The following NCKAP5 variants were observed in gnomAD, a reference collection of about 807,000 sequenced individuals.
The protein encoded by NCKAP5 is NCK associated protein 5, also known as nck-associated protein 5.
In NCKAP5, 92 loss-of-function variants were observed where a neutral mutation model predicts 167.0. The observed-to-expected ratio is 0.55, with a 90% CI of 0.47 to 0.66. The LOEUF is 0.66. NCKAP5 is among the 30% of genes least tolerant of loss of function. The pLI is 0.00. For missense variants in NCKAP5, 2,378 were observed against 2,315.0 expected, an observed-to-expected ratio of 1.03 and a Z score of -0.56; for synonymous variants, 891 against 877.4, an observed-to-expected ratio of 1.02 and a Z score of -0.27.
intron 6 of NCKAP5, among the ~76,000 whole-genome samples, chr2:133,076,695 G>C (rs1251091): frequency 0.99 from 151,357 of 152,316 alleles, 75,206 homozygotes; most frequent in East Asian, 1. Flanking sequence ...GTGTCTCAGG[G>C]TTACACTATT....
chr2:132,883,569 T>G (rs1323162963), intron 8 of NCKAP5, among the ~76,000 whole-genome samples: 1 of 152,176 alleles, frequency 6.6e-6, no homozygotes, highest in Admixed American at 6.5e-5. Flanking sequence ...GCTGCCTCTC[T>G]GAGACAGCCA....
chr2:133,491,280 G>A (rs2151351136), intron 3 of NCKAP5, among the ~76,000 whole-genome samples: 3 of 152,304 alleles, frequency 2.0e-5, no homozygotes, highest in Middle Eastern at 6.8e-3. Flanking sequence ...GTAATGTCCG[G>A]GAATGACCAT....
the NCKAP5 span, among the ~76,000 whole-genome samples, chr2:133,573,708 T>C: frequency 0.021 from 3,272 of 152,296 alleles, 117 homozygotes; most frequent in African/African-American, 0.074. Context: ...CAGTACATAC[T>C]GTGAGATTGA....
chr2:133,585,612 A>G, the NCKAP5 span, among the ~76,000 whole-genome samples: 1 of 152,278 alleles, frequency 6.6e-6, no homozygotes, highest in African/African-American at 2.4e-5. Flanking sequence ...AAATATTTCA[A>G]GAAGTTAATG....
At chr2:133,352,684 T>C (rs1266609829) in intron 3 of NCKAP5, among the ~76,000 whole-genome samples, 3 of 152,150 alleles carry the variant, frequency 2.0e-5, no homozygotes, top group Non-Finnish European at 4.4e-5. Context: ...CAAGAGAGCA[T>C]GTGTTCACAT....
chr2:132,721,801 C>T (rs572279107), intron 19 of NCKAP5, among the ~76,000 whole-genome samples: 18 of 152,174 alleles, frequency 1.2e-4, no homozygotes, highest in South Asian at 2.1e-4. Context: ...TCAGGGTGTG[C>T]GAGGACAGAT....
At chr2:133,220,303 AT>A (rs1303869752) in intron 4 of NCKAP5, among the ~76,000 whole-genome samples, 4 of 147,258 alleles carry the variant, frequency 2.7e-5, no homozygotes, top group Non-Finnish European at 4.6e-5. Context: ...GTGGATTCTT[AT>A]TTACTGAACA....
At chr2:132,870,472 A>G (rs2148767722) in intron 9 of NCKAP5, among the ~76,000 whole-genome samples, 1 of 152,190 alleles carries the variant, frequency 6.6e-6, no homozygotes, top group Middle Eastern at 3.4e-3. Context: ...TTCTTCCTTC[A>G]TTTATCCAAT....
intron 12 of NCKAP5, 120 bp downstream of exon 12, chr2:132,796,508 T>C: frequency 1.7e-6 from 1 of 578,578 alleles, no homozygotes. Context: ...GAAAGGAAGG[T>C]ATTTTTATCT....
intron 9 of NCKAP5, among the ~76,000 whole-genome samples, chr2:132,878,382 A>G (rs1691455826): frequency 1.3e-5 from 2 of 152,038 alleles, no homozygotes. Context: ...CTGGTTGCCA[A>G]CTGTGAACAT....
At chr2:133,596,139 AG>A in the NCKAP5 span, 1 of 157,782 alleles carries the variant, frequency 6.3e-6, no homozygotes, top group African/African-American at 2.4e-5. Flanking sequence ...ATTGATCGCC[AG>A]GGTTGATTTG....
chr2:133,522,947 C>T (rs1021136869), intron 2 of NCKAP5, among the ~76,000 whole-genome samples: 40 of 152,148 alleles, frequency 2.6e-4, no homozygotes, highest in African/African-American at 8.7e-4. Flanking sequence ...GGGAAGAAAA[C>T]GGTCATGGAG....
At chr2:133,323,042 C>A (rs1217647232) in intron 3 of NCKAP5, among the ~76,000 whole-genome samples, 1 of 152,154 alleles carries the variant, frequency 6.6e-6, no homozygotes, top group East Asian at 1.9e-4. Context: ...ACTTCTAGAC[C>A]AGCTGCAAGT....
chr2:133,177,538 C>G (rs933219599), intron 5 of NCKAP5, among the ~76,000 whole-genome samples: 8 of 152,084 alleles, frequency 5.3e-5, no homozygotes, highest in African/African-American at 1.7e-4. Context: ...GTTAAATAAC[C>G]CTTATCCCAT....
At chr2:133,192,562 A>C in intron 5 of NCKAP5, among the ~76,000 whole-genome samples, 1 of 152,108 alleles carries the variant, frequency 6.6e-6, no homozygotes, top group East Asian at 1.9e-4. Context: ...AAAGAAAAAA[A>C]AATACAATTC....
intron 4 of NCKAP5, among the ~76,000 whole-genome samples, chr2:133,259,100 C>G (rs1425730428): frequency 6.6e-6 from 1 of 152,146 alleles, no homozygotes; most frequent in Non-Finnish European, 1.5e-5. Flanking sequence ...TGCCTGAGCT[C>G]AAGCCCTCTG....
chr2:133,487,095 G>A (rs1290947810), intron 3 of NCKAP5, among the ~76,000 whole-genome samples: 1 of 152,130 alleles, frequency 6.6e-6, no homozygotes, highest in Non-Finnish European at 1.5e-5. Context: ...CTCAGTAACA[G>A]CTGTTCATAG....
chr2:133,470,559 G>A (rs1431587817), intron 3 of NCKAP5, among the ~76,000 whole-genome samples: 2 of 152,252 alleles, frequency 1.3e-5, no homozygotes, highest in Non-Finnish European at 2.9e-5. Context: ...CTTCCTGGCT[G>A]CTTTGTTTAC....
intron 5 of NCKAP5, among the ~76,000 whole-genome samples, chr2:133,193,572 T>C (rs1011386324): frequency 2.0e-5 from 3 of 152,090 alleles, no homozygotes; most frequent in Non-Finnish European, 4.4e-5. Context: ...CTAGTGATTA[T>C]TATAATTTTA....
Sources: allele counts gnomAD v4.1 joint callset (sites outside exome capture counted in the v4.1 genomes callset), GRCh38; gene constraint gnomAD v4.1.1; transcripts MANE v1.5; gene names NCBI Gene and HGNC (gene_info 2026-07-23, HGNC 2026-07-21).